Variants in FOXP1 observed in about 807,000 individuals in gnomAD.
FOXP1 encodes forkhead box P1.
Under a neutral mutation model 98.2 loss-of-function variants are expected in FOXP1, and 15 were observed. The ratio of observed to expected loss-of-function variants is 0.15; its 90% confidence interval spans 0.10 to 0.24. The LOEUF (loss-of-function observed/expected upper bound fraction) is 0.24. Among genes scored for constraint, FOXP1 ranks in the 10% least tolerant of loss-of-function variants. The pLI is 1.00. For missense variants in FOXP1, 633 were observed against 848.5 expected (o/e 0.75, Z 3.15); for synonymous variants, 371 against 314.5 (o/e 1.18, Z -1.90).
At chr3:71,242,222 C>T (rs758596405) in intron 5 of FOXP1, among the ~76,000 whole-genome samples, 7 of 152,156 alleles carry the variant, frequency 4.6e-5, no homozygotes, top group Admixed American at 3.9e-4. Context: ...AAAAGACATT[C>T]GTGTTCAAAT....
chr3:71,002,889 A>G (rs976068395), intron 12 of FOXP1, among the ~76,000 whole-genome samples: 1 of 152,156 alleles, frequency 6.6e-6, no homozygotes, highest in Non-Finnish European at 1.5e-5. Context: ...TGTTTGCTTC[A>G]CTGGAAGTAA....
chr3:71,340,394 G>T (rs1463116584), intron 4 of FOXP1, among the ~76,000 whole-genome samples: 1 of 152,146 alleles, frequency 6.6e-6, no homozygotes, highest in South Asian at 2.1e-4. Flanking sequence ...GCCCAAATTG[G>T]TTTATTTCAC....
chr3:71,051,966 C>G (rs1246438651), intron 9 of FOXP1, among the ~76,000 whole-genome samples: 2 of 152,202 alleles, frequency 1.3e-5, no homozygotes, highest in East Asian at 3.9e-4. Context: ...ACAACCCAAG[C>G]TGGAGTCTTC....
chr3:70,982,427 A>T (rs769783845), intron 14 of FOXP1, among the ~76,000 whole-genome samples: 15 of 152,070 alleles, frequency 9.9e-5, no homozygotes, highest in Non-Finnish European at 2.1e-4. Flanking sequence ...TATTTTTCTT[A>T]TTGTGTTCCT....
chr3:71,045,865 A>T (rs1467209469), intron 10 of FOXP1, among the ~76,000 whole-genome samples: 2 of 152,212 alleles, frequency 1.3e-5, no homozygotes. Flanking sequence ...CACATTTTTA[A>T]CCTTCTTTAG....
intron 5 of FOXP1, among the ~76,000 whole-genome samples, chr3:71,268,322 G>T (rs1030539952): frequency 1.3e-5 from 2 of 151,850 alleles, no homozygotes; most frequent in African/African-American, 2.4e-5. Context: ...CTAAAAATCA[G>T]ATACAGTCAC....
intron 4 of FOXP1, among the ~76,000 whole-genome samples, chr3:71,321,627 C>CT (rs1016238651): frequency 0.01 from 1,507 of 144,988 alleles, 26 homozygotes; most frequent in African/African-American, 0.034. Context: ...TTTCTTTTTT[C>CT]TTTTTTTTTT....
intron 3 of FOXP1, among the ~76,000 whole-genome samples, chr3:71,388,352 A>C (rs2080756108): frequency 1.3e-5 from 2 of 152,250 alleles, no homozygotes; most frequent in Non-Finnish European, 2.9e-5. Context: ...ATGGCTTTCT[A>C]CTAATGAAGA....
At chr3:71,114,133 A>G (rs962390920) in intron 6 of FOXP1, among the ~76,000 whole-genome samples, 3 of 152,234 alleles carry the variant, frequency 2.0e-5, no homozygotes, top group African/African-American at 7.2e-5. Flanking sequence ...TCAATACATC[A>G]AAAGGACCTG....
chr3:71,359,855 T>C (rs2078430073), intron 3 of FOXP1, among the ~76,000 whole-genome samples: 1 of 152,124 alleles, frequency 6.6e-6, no homozygotes, highest in Non-Finnish European at 1.5e-5. Context: ...TGCAGTGGCA[T>C]GATCTCGGCT....
intron 2 of FOXP1, among the ~76,000 whole-genome samples, chr3:71,567,512 T>C (rs1347021299): frequency 6.6e-6 from 1 of 152,204 alleles, no homozygotes; most frequent in Admixed American, 6.5e-5. Flanking sequence ...TTCTAAAATG[T>C]GGTACTACCA....
chr3:71,082,642 AAACAAC>A (rs1039515164), intron 7 of FOXP1, among the ~76,000 whole-genome samples: 1 of 152,100 alleles, frequency 6.6e-6, no homozygotes, highest in African/African-American at 2.4e-5. Flanking sequence ...AAAAAAAAGA[AAACAAC>A]AACAACAAAA....
intron 2 of FOXP1, chr3:71,580,926 A>G: frequency 2.0e-6 from 2 of 985,416 alleles, no homozygotes; most frequent in Non-Finnish European, 2.4e-6. Context: ...AGAAAATGCT[A>G]ACTTGGAAAA....
chr3:70,987,488 T>C (rs2039939162), intron 14 of FOXP1, among the ~76,000 whole-genome samples: 1 of 152,244 alleles, frequency 6.6e-6, no homozygotes, highest in African/African-American at 2.4e-5. Context: ...AGCCTCTCCA[T>C]AATTTAGCCT....
At chr3:71,001,705 G>A (rs1213992943) in intron 12 of FOXP1, among the ~76,000 whole-genome samples, 5 of 152,198 alleles carry the variant, frequency 3.3e-5, no homozygotes, top group Admixed American at 3.3e-4. Flanking sequence ...CACATGCTGA[G>A]TATGCCTGTC....
At chr3:71,402,465 A>G (rs1242392072) in intron 3 of FOXP1, among the ~76,000 whole-genome samples, 2 of 152,180 alleles carry the variant, frequency 1.3e-5, no homozygotes, top group South Asian at 2.1e-4. Context: ...AATCAATCAA[A>G]TCATAAATGT....
intron 5 of FOXP1, among the ~76,000 whole-genome samples, chr3:71,280,045 C>T (rs1008111424): frequency 1.3e-5 from 2 of 148,992 alleles, no homozygotes; most frequent in Non-Finnish European, 1.5e-5. Flanking sequence ...ATGGCGTGAA[C>T]CCGGAAGTCA....
intron 4 of FOXP1, among the ~76,000 whole-genome samples, chr3:71,302,513 TAAAAA>T (rs34872613): frequency 7.6e-6 from 1 of 131,802 alleles, no homozygotes; most frequent in African/African-American, 2.8e-5. Context: ...AGCTTTTATG[TAAAAA>T]AAAAAAAAAA....
At chr3:71,024,759 T>C (rs879274303) in intron 11 of FOXP1, among the ~76,000 whole-genome samples, 5 of 152,224 alleles carry the variant, frequency 3.3e-5, no homozygotes, top group African/African-American at 9.6e-5. Context: ...ATGGAGATTA[T>C]TGTTATTATC....
Sources: gnomAD v4.1 joint callset for allele counts (sites outside exome capture counted in the v4.1 genomes callset) on GRCh38, gnomAD v4.1.1 for gene constraint, MANE v1.5 for transcripts, NCBI Gene and HGNC (gene_info 2026-07-23, HGNC 2026-07-21) for gene names.